ZRANB3: variants seen among roughly 807,000 people sequenced by gnomAD.
The protein encoded by ZRANB3 is DNA annealing helicase and endonuclease ZRANB3.
ZRANB3 carries 125 observed loss-of-function variants against 133.8 expected under a neutral mutation model. The observed-to-expected ratio is 0.93, with a 90% CI of 0.81 to 1.08. The LOEUF is 1.08. ZRANB3 is among the 50% of genes least tolerant of loss of function. ZRANB3 has a pLI of 0.00. For synonymous variants in ZRANB3, 387 were observed against 432.7 expected, an observed-to-expected ratio of 0.89 and a Z score of 1.31; for missense variants, 1,229 against 1,275.5, an observed-to-expected ratio of 0.96 and a Z score of 0.56.
chr2:135,212,654 C>T (rs186812556), intron 17 of ZRANB3, among the ~76,000 whole-genome samples: 1 of 152,266 alleles, frequency 6.6e-6, no homozygotes, highest in East Asian at 1.9e-4. Flanking sequence ...AGGAAGTTCA[C>T]CAACTCCCAA....
chr2:135,372,230 G>A (rs1686214766), intron 3 of ZRANB3, among the ~76,000 whole-genome samples: 1 of 151,358 alleles, frequency 6.6e-6, no homozygotes, highest in South Asian at 2.1e-4. Flanking sequence ...CACCCCTTCT[G>A]CCATGTGACA....
At chr2:135,411,768 G>C (rs956154253) in intron 2 of ZRANB3, among the ~76,000 whole-genome samples, 7 of 152,080 alleles carry the variant, frequency 4.6e-5, no homozygotes, top group East Asian at 1.9e-4. Context: ...ACTCCAAAAG[G>C]GGGTAGAGGC....
chr2:135,436,123 A>G (rs1253082457), intron 2 of ZRANB3, among the ~76,000 whole-genome samples: 1 of 152,108 alleles, frequency 6.6e-6, no homozygotes, highest in East Asian at 1.9e-4. Context: ...TGGGTTTTAC[A>G]TTTGAGTCTT....
intron 2 of ZRANB3, among the ~76,000 whole-genome samples, chr2:135,464,587 G>A (rs1333745364): frequency 6.6e-6 from 1 of 152,212 alleles, no homozygotes; most frequent in Non-Finnish European, 1.5e-5. Context: ...CTAAAGCTGA[G>A]AAGCAGCTGT....
At position 135,269,126 on chromosome 2, in the gene ZRANB3, C is replaced by T; in HGVS notation, c.1222G>A (p.Ala408Thr). The T allele has an allele frequency of 1.2e-6, 2 of 1,600,616 alleles. No homozygotes were observed. The highest frequency in any genetic ancestry group is 1.7e-6 in the Non-Finnish European group (2 of 1,175,494). ...QAAGQGLTFTAASHVVFAELY... is the reference protein window; with the variant it reads ...QAAGQGLTFTTASHVVFAELY... The stretch of plus-strand genomic sequence containing the variant: ...TCAGCAAATACAACATGACTTGCTG[C>T]AGTAAATGTTAATCCCTAAGTGAAA... Residue 408 changes from alanine (A) to threonine (T), a missense_variant, in exon 11 of 21, where the codon GCA (alanine) becomes ACA (threonine). Transcript: ENST00000264159.
intron 2 of ZRANB3, among the ~76,000 whole-genome samples, chr2:135,417,892 T>C (rs1254596693): frequency 2.6e-5 from 4 of 151,960 alleles, no homozygotes; most frequent in Admixed American, 6.6e-5. Flanking sequence ...TTCTCACTCA[T>C]AGATGGGAAT....
At chr2:135,206,953 T>C (rs1693888382) in intron 19 of ZRANB3, among the ~76,000 whole-genome samples, 1 of 151,862 alleles carries the variant, frequency 6.6e-6, no homozygotes, top group Admixed American at 6.6e-5. Flanking sequence ...TCACCTGAGG[T>C]CAGGGGTTCA....
chr2:135,423,436 A>G (rs1270443560), intron 2 of ZRANB3, among the ~76,000 whole-genome samples: 1 of 152,048 alleles, frequency 6.6e-6, no homozygotes, highest in African/African-American at 2.4e-5. Context: ...TCTCAAAAAA[A>G]TAAAAAATAA....
intron 12 of ZRANB3, among the ~76,000 whole-genome samples, chr2:135,242,062 C>A (rs1447402113): frequency 6.6e-6 from 1 of 152,040 alleles, no homozygotes; most frequent in Non-Finnish European, 1.5e-5. Context: ...GCCTGTAATT[C>A]CAGCTTCTTG....
intron 9 of ZRANB3, among the ~76,000 whole-genome samples, chr2:135,275,292 C>G (rs1052508107): frequency 7.5e-6 from 1 of 133,500 alleles, no homozygotes; most frequent in African/African-American, 3.0e-5. Context: ...GCTGGCCGGG[C>G]GGGGGCTGCC....
intron 12 of ZRANB3, among the ~76,000 whole-genome samples, chr2:135,232,099 T>A (rs1158934896): frequency 6.6e-6 from 1 of 152,202 alleles, no homozygotes; most frequent in Admixed American, 6.5e-5. Flanking sequence ...ACCCTAATAC[T>A]GCGCTTTTCC....
At chr2:135,507,237 A>C (rs1002879732) in intron 1 of ZRANB3, among the ~76,000 whole-genome samples, 1 of 152,234 alleles carries the variant, frequency 6.6e-6, no homozygotes, top group Admixed American at 6.5e-5. Flanking sequence ...CAGAATAAAT[A>C]AATTGGGTAG....
At chr2:135,408,483 C>G (rs1018003567) in intron 2 of ZRANB3, among the ~76,000 whole-genome samples, 1 of 149,374 alleles carries the variant, frequency 6.7e-6, no homozygotes, top group Non-Finnish European at 1.5e-5. Flanking sequence ...GGGTATATAC[C>G]CAAAGGATTA....
chr2:135,203,023 T>G, intron 19 of ZRANB3, 60 bp from the exon 20 acceptor site: 2 of 1,571,102 alleles, frequency 1.3e-6, no homozygotes, highest in Non-Finnish European at 8.7e-7. Flanking sequence ...TGTTTGTTGG[T>G]TTTGCATTGT....
At chr2:135,360,434 C>T (rs928813289) in intron 3 of ZRANB3, among the ~76,000 whole-genome samples, 11 of 151,210 alleles carry the variant, frequency 7.3e-5, no homozygotes, top group Non-Finnish European at 1.3e-4. Context: ...TGGCTGGGCA[C>T]GGTGGCTCAT....
chr2:135,225,688 A>T lies in ZRANB3; in HGVS notation c.2159-1171T>A, dbSNP rs564265787. 7.9e-4 allele frequency among the ~76,000 whole-genome samples: 120 copies of T among 152,250 alleles called. 1 individual carries two copies. The highest frequency in any genetic ancestry group is 2.6e-3 in the African/African-American group (106 of 41,542). ...TTTATTACCTTTAAAATGTCTTTAAATTTTTTCACTATGATTTGGTATTGA... is the reference window on the plus strand; with the variant it reads ...TTTATTACCTTTAAAATGTCTTTAATTTTTTTCACTATGATTTGGTATTGA... On this transcript the variant is annotated intron_variant, in intron 14 of 20. Transcript: ENST00000264159.
At chr2:135,350,249 C>A in intron 4 of ZRANB3, 34 bp from the exon 5 acceptor site, 1 of 1,473,926 alleles carries the variant, frequency 6.8e-7, no homozygotes, top group African/African-American at 1.4e-5. Context: ...TAAAAAATAT[C>A]TCAGTAATGA....
At chr2:135,493,910 T>C (rs1028906091) in intron 2 of ZRANB3, among the ~76,000 whole-genome samples, 3 of 152,128 alleles carry the variant, frequency 2.0e-5, no homozygotes, top group Non-Finnish European at 4.4e-5. Flanking sequence ...AATTGTGACA[T>C]ATTCAGAGGT....
At chr2:135,498,906 T>C (rs1692809939) in intron 2 of ZRANB3, among the ~76,000 whole-genome samples, 2 of 152,222 alleles carry the variant, frequency 1.3e-5, no homozygotes, top group Non-Finnish European at 2.9e-5. Context: ...TGTCTCCTGA[T>C]AAGATGTTAT....
Sources: gnomAD v4.1 joint callset for allele counts (sites outside exome capture counted in the v4.1 genomes callset) on GRCh38, gnomAD v4.1.1 for gene constraint, MANE v1.5 for transcripts, NCBI Gene and HGNC (gene_info 2026-07-23, HGNC 2026-07-21) for gene names.